The following RBFOX1 variants were observed in gnomAD, a reference collection of about 807,000 sequenced individuals.
RBFOX1 encodes RNA binding protein fox-1 homolog 1.
A neutral mutation model predicts 57.7 loss-of-function variants in RBFOX1; 8 were observed. The observed-to-expected ratio is 0.14, with a 90% CI of 0.08 to 0.25. The LOEUF (loss-of-function observed/expected upper bound fraction) is 0.25, where lower values mean the gene tolerates loss of function less well. RBFOX1 is among the 10% of genes least tolerant of loss of function. The pLI is 1.00. For missense variants in RBFOX1, 611 were observed against 548.5 expected (o/e 1.11, Z -1.14); for synonymous variants, 326 against 222.4 (o/e 1.47, Z -4.15).
intron 4 of RBFOX1, among the ~76,000 whole-genome samples, chr16:7,238,604 C>G (rs1305286900): frequency 1.3e-5 from 2 of 152,180 alleles, no homozygotes; most frequent in African/African-American, 2.4e-5. Context: ...TTCTGAATCT[C>G]CAATAAAATG....
chr16:6,719,298 A>G (rs2065460724), intron 3 of RBFOX1, among the ~76,000 whole-genome samples: 1 of 152,200 alleles, frequency 6.6e-6, no homozygotes, highest in Non-Finnish European at 1.5e-5. Flanking sequence ...AAAAAGAGGA[A>G]AAAATAGCCC....
At chr16:6,004,822 G>C (rs928109518) in intron 4 of RBFOX1, among the ~76,000 whole-genome samples, 1 of 152,128 alleles carries the variant, frequency 6.6e-6, no homozygotes, top group Non-Finnish European at 1.5e-5. Flanking sequence ...TCTGACATTT[G>C]AATGTCCTTT....
At chr16:5,944,761 TG>T (rs1046033240) in intron 4 of RBFOX1, among the ~76,000 whole-genome samples, 3 of 120,508 alleles carry the variant, frequency 2.5e-5, no homozygotes, top group Non-Finnish European at 4.9e-5. Flanking sequence ...GAGACCATCC[TG>T]GCCAACTTGG....
rs191402515 is a variant in RBFOX1 at position 6,909,228 on chromosome 16, G to C, written c.-15-142829G>C. Among the ~76,000 whole-genome samples the C allele has an allele frequency of 1.3e-3, 191 of 152,284 alleles. 1 individual carries two copies. The highest frequency in any genetic ancestry group is 4.3e-3 in the African/African-American group (178 of 41,560). ...TTTGCCGGTTTCTAGAGGCCACCCA[G>C]ATTACATGGCTCATGGCCCTTTTCA... On this transcript the variant is annotated intron_variant, in intron 3 of 15. Transcript: ENST00000550418.
At chr16:6,590,768 A>T (rs1233355946) in intron 2 of RBFOX1, among the ~76,000 whole-genome samples, 5 of 152,146 alleles carry the variant, frequency 3.3e-5, no homozygotes, top group African/African-American at 1.2e-4. Context: ...GGGTGTTGGG[A>T]TGGGTGTTTG....
intron 3 of RBFOX1, among the ~76,000 whole-genome samples, chr16:6,949,161 C>G (rs1598133599): frequency 6.6e-6 from 1 of 151,920 alleles, no homozygotes; most frequent in Non-Finnish European, 1.5e-5. Flanking sequence ...CTTCCCCCAC[C>G]CCCCTGAAAA....
At chr16:7,318,793 C>G (rs940772205) in intron 4 of RBFOX1, among the ~76,000 whole-genome samples, 1 of 152,166 alleles carries the variant, frequency 6.6e-6, no homozygotes, top group African/African-American at 2.4e-5. Flanking sequence ...CACCCCCCAT[C>G]TCTCCATGTG....
rs74010684 is a variant in RBFOX1 at position 7,375,075 on chromosome 16, C to T, written c.28-143072C>T. On this transcript the variant is annotated intron_variant, in intron 4 of 15. Transcript: ENST00000550418. Reference sequence around the variant, plus strand: ...GCGTATGTTTCAGGAGGAGAAAGAACATTTTTTATTTCTGCTATGTTTCAG... The same window carrying T: ...GCGTATGTTTCAGGAGGAGAAAGAATATTTTTTATTTCTGCTATGTTTCAG... Among the ~76,000 whole-genome samples the T allele has an allele frequency of 1.9e-3, 285 of 152,338 alleles. 1 individual carries two copies. Among genetic ancestry groups the T allele is most frequent in the African/African-American group, 6.3e-3 (262 of 41,586 alleles).
chr16:6,119,087 TATA>T (rs796141002), intron 1 of RBFOX1, among the ~76,000 whole-genome samples: 2 of 151,928 alleles, frequency 1.3e-5, no homozygotes, highest in African/African-American at 4.8e-5. Context: ...GGGTGGGTCA[TATA>T]ATATGTCCGA....
intron 3 of RBFOX1, among the ~76,000 whole-genome samples, chr16:5,692,403 A>T (rs182335209): frequency 2.5e-4 from 38 of 152,158 alleles, no homozygotes; most frequent in Admixed American, 2.5e-3. Context: ...CACAGCTGCA[A>T]AAAGATGAGT....
rs571677310 is a variant in RBFOX1, at chr16:5,346,101, C to G, written c.219+105996C>G. On this transcript the variant is annotated intron_variant, in intron 1 of 2. Coordinates refer to the RBFOX1 transcript ENST00000585867. ...CCCACTACCTGGTGAAGGAGACAGA[C>G]AAGCGCACAGAGAAGTATGGCAGCC... Among the ~76,000 whole-genome samples, 6 of 152,300 alleles carry G rather than the reference C, an allele frequency of 3.9e-5. No individual in the cohort carries two copies. In the East Asian group the frequency reaches 9.6e-4, roughly 24 times the overall value.
At chr16:6,973,866 C>G (rs1222301661) in intron 3 of RBFOX1, among the ~76,000 whole-genome samples, 1 of 152,142 alleles carries the variant, frequency 6.6e-6, no homozygotes, top group Non-Finnish European at 1.5e-5. Context: ...TTTACTGTGC[C>G]TGTCAAGCTG....
chr16:7,142,633 G>C (rs8059115), intron 4 of RBFOX1, among the ~76,000 whole-genome samples: 8,343 of 152,138 alleles, frequency 0.055, 775 homozygotes, highest in African/African-American at 0.19. Flanking sequence ...CTGTCAATCA[G>C]AGCATTTTGA....
At chr16:5,614,906 A>C (rs985152165) in intron 3 of RBFOX1, among the ~76,000 whole-genome samples, 1 of 152,172 alleles carries the variant, frequency 6.6e-6, no homozygotes, top group Non-Finnish European at 1.5e-5. Context: ...GAACACAGGG[A>C]GGGTGGGGGT....
At chr16:7,521,828 G>A (rs1456009022) in intron 5 of RBFOX1, among the ~76,000 whole-genome samples, 1 of 152,190 alleles carries the variant, frequency 6.6e-6, no homozygotes, top group East Asian at 1.9e-4. Flanking sequence ...ACAATAAAAA[G>A]TCCAGGCGGA....
intron 3 of RBFOX1, among the ~76,000 whole-genome samples, chr16:6,929,471 C>G (rs1026350048): frequency 3.9e-5 from 6 of 152,108 alleles, no homozygotes; most frequent in Non-Finnish European, 8.8e-5. Context: ...TTTCTGTATT[C>G]TAAGCAGTTT....
intron 3 of RBFOX1, among the ~76,000 whole-genome samples, chr16:6,945,762 G>T (rs1353458327): frequency 2.0e-5 from 3 of 152,072 alleles, no homozygotes; most frequent in Non-Finnish European, 4.4e-5. Flanking sequence ...GTGGTGGCAG[G>T]CACCTGTAAT....
chr16:6,378,058 G>A (rs148817347), intron 2 of RBFOX1, among the ~76,000 whole-genome samples: 1 of 152,318 alleles, frequency 6.6e-6, no homozygotes, highest in African/African-American at 2.4e-5. Context: ...ATCCTGGATA[G>A]GCCGTGTATG....
intron 4 of RBFOX1, among the ~76,000 whole-genome samples, chr16:7,258,017 A>G (rs181331363): frequency 2.6e-5 from 4 of 152,250 alleles, no homozygotes; most frequent in Non-Finnish European, 5.9e-5. Context: ...GAGATGTTCA[A>G]TGTAATCAGC....
Sources: gnomAD v4.1 joint callset for allele counts (sites outside exome capture counted in the v4.1 genomes callset) on GRCh38, gnomAD v4.1.1 for gene constraint, MANE v1.5 for transcripts, NCBI Gene and HGNC (gene_info 2026-07-23, HGNC 2026-07-21) for gene names.